KIAA1217: variants seen among roughly 807,000 people sequenced by gnomAD.
The protein encoded by KIAA1217 is sickle tail protein homolog.
In KIAA1217, 88 loss-of-function variants were observed where a neutral mutation model predicts 163.9. That is an observed-to-expected ratio of 0.54 (90% confidence interval 0.45 to 0.64). The LOEUF (loss-of-function observed/expected upper bound fraction) is 0.64. KIAA1217 is among the 30% of genes least tolerant of loss of function. The probability of loss-of-function intolerance (pLI) is 0.00; values close to 1 mark genes in which losing one functional copy is unlikely to be tolerated. For synonymous variants in KIAA1217, 903 were observed against 923.1 expected (o/e 0.98, Z 0.39); for missense variants, 2,372 against 2,475.0 (o/e 0.96, Z 0.88).
chr10:24,150,679 G>A (rs957573201), intron 2 of KIAA1217, among the ~76,000 whole-genome samples: 1 of 152,118 alleles, frequency 6.6e-6, no homozygotes. Context: ...CAGTAAAATA[G>A]CCAAGGACAC....
intron 1 of KIAA1217, among the ~76,000 whole-genome samples, chr10:23,967,055 G>A (rs1016140319): frequency 2.6e-5 from 4 of 151,826 alleles, no homozygotes; most frequent in African/African-American, 9.7e-5. Flanking sequence ...GAATTATTAA[G>A]TTTTAAAAGA....
upstream of KIAA1217, chr10:24,209,028 C>G: frequency 3.3e-6 from 2 of 605,774 alleles, no homozygotes; most frequent in South Asian, 3.9e-5. Flanking sequence ...GCAGTTTTCT[C>G]GGGCGAGGGA....
chr10:23,704,134 ATG>A (rs1234936615), intron 1 of KIAA1217, among the ~76,000 whole-genome samples: 6 of 92,980 alleles, frequency 6.5e-5, no homozygotes, highest in Admixed American at 1.2e-4. Context: ...ATATGCATGT[ATG>A]TGTGTGTGTA....
intron 16 of KIAA1217, among the ~76,000 whole-genome samples, chr10:24,536,236 G>C (rs1007122962): frequency 4.6e-5 from 7 of 152,162 alleles, no homozygotes; most frequent in African/African-American, 1.4e-4. Context: ...TTGCTTAAAA[G>C]CATCACTTTA....
intron 1 of KIAA1217, among the ~76,000 whole-genome samples, chr10:23,892,182 A>G (rs1841445338): frequency 1.3e-5 from 2 of 151,980 alleles, no homozygotes; most frequent in Non-Finnish European, 1.5e-5. Context: ...CAAACCATTA[A>G]TCAAAATTAA....
At chr10:24,083,679 G>T (rs1483356234) in intron 2 of KIAA1217, among the ~76,000 whole-genome samples, 2 of 152,046 alleles carry the variant, frequency 1.3e-5, no homozygotes, top group Non-Finnish European at 2.9e-5. Flanking sequence ...ATGAGATTAT[G>T]GTGGCCTAAT....
chr10:24,193,746 G>A (rs1438873029), intron 2 of KIAA1217, among the ~76,000 whole-genome samples: 2 of 150,780 alleles, frequency 1.3e-5, no homozygotes, highest in Non-Finnish European at 2.9e-5. Flanking sequence ...AGTTAGAGCA[G>A]ATCACAGTAC....
chr10:23,999,704 T>A (rs186894465), intron 1 of KIAA1217, among the ~76,000 whole-genome samples: 1 of 152,268 alleles, frequency 6.6e-6, no homozygotes, highest in Non-Finnish European at 1.5e-5. Context: ...CCCGCAATAT[T>A]CAGTATAGAA....
intron 3 of KIAA1217, among the ~76,000 whole-genome samples, chr10:24,383,890 C>T (rs2053644837): frequency 6.6e-6 from 1 of 152,220 alleles, no homozygotes; most frequent in African/African-American, 2.4e-5. Flanking sequence ...GAAAATGTGA[C>T]TCACAGCAAG....
At chr10:24,309,399 A>T (rs1233096572) in intron 2 of KIAA1217, among the ~76,000 whole-genome samples, 2 of 151,746 alleles carry the variant, frequency 1.3e-5, no homozygotes, top group African/African-American at 4.9e-5. Flanking sequence ...TGTTCTTACA[A>T]ATGTTGCACA....
At chr10:23,900,094 C>T (rs1392982408) in intron 1 of KIAA1217, among the ~76,000 whole-genome samples, 4 of 151,878 alleles carry the variant, frequency 2.6e-5, no homozygotes, top group Admixed American at 2.6e-4. Flanking sequence ...GCAACCTCCC[C>T]TCATGAGTTC....
At chr10:24,088,406 A>C in intron 2 of KIAA1217, among the ~76,000 whole-genome samples, 1 of 115,180 alleles carries the variant, frequency 8.7e-6, no homozygotes, top group Admixed American at 8.6e-5. Flanking sequence ...TTAACTCGTC[A>C]TTTACATTAG....
At chr10:24,341,438 T>A (rs1365989704) in intron 2 of KIAA1217, among the ~76,000 whole-genome samples, 1 of 152,172 alleles carries the variant, frequency 6.6e-6, no homozygotes, top group African/African-American at 2.4e-5. Context: ...TTTGTTAATC[T>A]CTATCTGGAG....
chr10:24,447,990 T>C (rs1317951241), intron 5 of KIAA1217, among the ~76,000 whole-genome samples: 1 of 151,678 alleles, frequency 6.6e-6, no homozygotes. Context: ...ATTAGCTGGG[T>C]GTGGTGGCGC....
In KIAA1217 at chr10:24,100,666, A is replaced by T. The variant is rs1445035115; in HGVS notation, c.-171+93292A>T. On this transcript the variant is annotated intron_variant, in intron 2 of 18. Coordinates refer to the KIAA1217 transcript ENST00000376462. ...TTTAGACAGTTGCCTTCAAGGCAATAAATATTATCAACTTTTCCCTTTTCA... is the reference window on the plus strand; with the variant it reads ...TTTAGACAGTTGCCTTCAAGGCAATTAATATTATCAACTTTTCCCTTTTCA... Among the ~76,000 whole-genome samples, 5 of 152,228 alleles carry T rather than the reference A, an allele frequency of 3.3e-5. 1 individual carries two copies. In the South Asian group the frequency reaches 1.0e-3, roughly 31 times the overall value.
chr10:23,959,097 C>A (rs1844703861), intron 1 of KIAA1217, among the ~76,000 whole-genome samples: 1 of 151,814 alleles, frequency 6.6e-6, no homozygotes, highest in Admixed American at 6.6e-5. Flanking sequence ...AAAGGTGAGG[C>A]AAAGCAGTGG....
chr10:23,718,854 GAGAGAGAGAGA>G (rs1190900668), intron 1 of KIAA1217, among the ~76,000 whole-genome samples: 4 of 144,516 alleles, frequency 2.8e-5, no homozygotes, highest in African/African-American at 1.1e-4. Context: ...GGGAGGGGGA[GAGAGAGAGAGA>G]AGAGAGAGAG....
chr10:24,022,604 C>G (rs544189360), intron 2 of KIAA1217, among the ~76,000 whole-genome samples: 12 of 151,816 alleles, frequency 7.9e-5, no homozygotes, highest in African/African-American at 2.9e-4. Flanking sequence ...CAATCCCATT[C>G]CCAGGTATTT....
chr10:23,774,749 T>G (rs930766838), intron 1 of KIAA1217, among the ~76,000 whole-genome samples: 1 of 152,178 alleles, frequency 6.6e-6, no homozygotes, highest in Non-Finnish European at 1.5e-5. Context: ...GGGCCTGCTC[T>G]TGTTTGGCTG....
Sources: allele counts gnomAD v4.1 joint callset (sites outside exome capture counted in the v4.1 genomes callset), GRCh38; gene constraint gnomAD v4.1.1; transcripts MANE v1.5; gene names NCBI Gene and HGNC (gene_info 2026-07-23, HGNC 2026-07-21).